Variants in GALNTL6 observed in about 807,000 individuals in gnomAD.
GALNTL6 encodes the protein polypeptide N-acetylgalactosaminyltransferase-like 6.
A neutral mutation model predicts 73.7 loss-of-function variants in GALNTL6; 46 were observed. The observed-to-expected ratio is 0.62, with a 90% CI of 0.49 to 0.80. The LOEUF (loss-of-function observed/expected upper bound fraction) is 0.80. GALNTL6 is among the 30% of genes least tolerant of loss of function. GALNTL6 has a pLI of 0.00. For synonymous variants in GALNTL6, 259 were observed against 263.7 expected (o/e 0.98, Z 0.17); for missense variants, 604 against 755.0 (o/e 0.80, Z 2.34).
At chr4:171,994,685 T>A (rs112995063) in intron 2 of GALNTL6, among the ~76,000 whole-genome samples, 1 of 151,960 alleles carries the variant, frequency 6.6e-6, no homozygotes, top group Non-Finnish European at 1.5e-5. Context: ...AAAACAGTTG[T>A]TGGTTTTGTT....
intron 2 of GALNTL6, among the ~76,000 whole-genome samples, chr4:171,891,930 G>GT (rs1736773971): frequency 1.3e-5 from 2 of 152,048 alleles, no homozygotes; most frequent in Admixed American, 6.6e-5. Flanking sequence ...GCTATTACAG[G>GT]TTGAGCATCT....
chr4:171,897,801 G>A (rs1736970413), intron 2 of GALNTL6, among the ~76,000 whole-genome samples: 1 of 150,888 alleles, frequency 6.6e-6, no homozygotes, highest in Non-Finnish European at 1.5e-5. Flanking sequence ...AGTGGCAGGC[G>A]CCTATAATCC....
chr4:171,940,871 G>A (rs1578991210), intron 2 of GALNTL6, among the ~76,000 whole-genome samples: 1 of 100,378 alleles, frequency 1.0e-5, no homozygotes, highest in Non-Finnish European at 2.3e-5. Context: ...AAATATATAA[G>A]TCATGTATGC....
intron 2 of GALNTL6, among the ~76,000 whole-genome samples, chr4:171,972,064 C>T (rs1009449318): frequency 6.6e-6 from 1 of 152,128 alleles, no homozygotes; most frequent in Non-Finnish European, 1.5e-5. Context: ...AAGCAAGACC[C>T]ATTGTGTGAG....
At chr4:171,982,370 C>T (rs332988) in intron 2 of GALNTL6, among the ~76,000 whole-genome samples, 144,544 of 152,148 alleles carry the variant, frequency 0.95, 69,010 homozygotes, top group Non-Finnish European at 1. Context: ...CGATCTCGGC[C>T]CACTGCAAGC....
intron 2 of GALNTL6, among the ~76,000 whole-genome samples, chr4:172,207,941 T>C (rs1242523267): frequency 6.6e-6 from 1 of 152,264 alleles, no homozygotes; most frequent in Admixed American, 6.5e-5. Context: ...ATCTTTCCTG[T>C]ACTCCATGTT....
chr4:172,295,940 A>G (rs1035772136), intron 3 of GALNTL6, among the ~76,000 whole-genome samples: 2 of 152,054 alleles, frequency 1.3e-5, no homozygotes, highest in Non-Finnish European at 2.9e-5. Flanking sequence ...CTATATACAT[A>G]TATATAGCTT....
At chr4:172,466,026 A>G (rs1348930077) in intron 5 of GALNTL6, among the ~76,000 whole-genome samples, 3 of 152,208 alleles carry the variant, frequency 2.0e-5, no homozygotes, top group Non-Finnish European at 4.4e-5. Flanking sequence ...TGTAACAAAT[A>G]CTAAAATCAT....
intron 5 of GALNTL6, among the ~76,000 whole-genome samples, chr4:172,792,379 T>C (rs1740045046): frequency 6.6e-6 from 1 of 152,140 alleles, no homozygotes; most frequent in South Asian, 2.1e-4. Context: ...TATTCAAATA[T>C]ACATGTGTAT....
intron 10 of GALNTL6, among the ~76,000 whole-genome samples, chr4:172,974,433 A>G (rs148877171): frequency 1.4e-4 from 21 of 152,346 alleles, no homozygotes; most frequent in African/African-American, 5.1e-4. Flanking sequence ...AAATTATACA[A>G]TTAGTAAAAT....
At chr4:172,989,101 G>T (rs1258047434) in intron 10 of GALNTL6, among the ~76,000 whole-genome samples, 1 of 152,198 alleles carries the variant, frequency 6.6e-6, no homozygotes, top group Admixed American at 6.5e-5. Flanking sequence ...CATCAAAATG[G>T]TAGATCCACT....
At chr4:172,981,039 T>C (rs1029145631) in intron 10 of GALNTL6, among the ~76,000 whole-genome samples, 1 of 152,238 alleles carries the variant, frequency 6.6e-6, no homozygotes, top group African/African-American at 2.4e-5. Flanking sequence ...TGGTTTCTTT[T>C]TAAGGCTGAA....
intron 2 of GALNTL6, among the ~76,000 whole-genome samples, chr4:172,130,316 GT>G (rs1733453812): frequency 6.7e-6 from 1 of 149,668 alleles, no homozygotes; most frequent in Non-Finnish European, 1.5e-5. Flanking sequence ...TATAATTTAA[GT>G]TTAATATAAT....
chr4:172,380,327 A>G, intron 5 of GALNTL6: 1 of 726,656 alleles, frequency 1.4e-6, no homozygotes, highest in Non-Finnish European at 2.6e-6. Flanking sequence ...AAATAGTCCA[A>G]GTTTAAAAGT....
intron 2 of GALNTL6, among the ~76,000 whole-genome samples, chr4:172,080,325 C>A (rs1464126303): frequency 6.6e-6 from 1 of 152,076 alleles, no homozygotes; most frequent in Non-Finnish European, 1.5e-5. Context: ...GAACTACAGG[C>A]ACATGGTACC....
chr4:171,939,564 T>C (rs1365857165), intron 2 of GALNTL6, among the ~76,000 whole-genome samples: 1 of 151,978 alleles, frequency 6.6e-6, no homozygotes, highest in African/African-American at 2.4e-5. Flanking sequence ...AATACAGAAT[T>C]TCTCTGTGGA....
intron 5 of GALNTL6, among the ~76,000 whole-genome samples, chr4:172,762,982 C>G (rs1335275939): frequency 6.8e-6 from 1 of 147,872 alleles, no homozygotes; most frequent in African/African-American, 2.6e-5. Context: ...CATATGATGG[C>G]TGCCAGTGAC....
intron 5 of GALNTL6, among the ~76,000 whole-genome samples, chr4:172,664,142 G>A (rs1289457274): frequency 7.9e-5 from 12 of 152,136 alleles, no homozygotes; most frequent in Admixed American, 7.9e-4. Flanking sequence ...TAGGCACAGA[G>A]AATGTTCCCG....
At chr4:172,352,165 C>T (rs1741965257) in intron 5 of GALNTL6, among the ~76,000 whole-genome samples, 1 of 152,026 alleles carries the variant, frequency 6.6e-6, no homozygotes, top group Non-Finnish European at 1.5e-5. Context: ...CAGAATAATG[C>T]TAACTATTAC....
Sources: allele counts gnomAD v4.1 joint callset (sites outside exome capture counted in the v4.1 genomes callset), GRCh38; gene constraint gnomAD v4.1.1; transcripts MANE v1.5; gene names NCBI Gene and HGNC (gene_info 2026-07-23, HGNC 2026-07-21).